The following LMBR1 variants were observed in gnomAD, a reference collection of about 807,000 sequenced individuals.
LMBR1 encodes limb region 1 protein homolog.
LMBR1 carries 52 observed loss-of-function variants against 73.9 expected under a neutral mutation model. The observed-to-expected ratio is 0.70, with a 90% confidence interval of 0.56 to 0.89. The LOEUF (loss-of-function observed/expected upper bound fraction) is 0.89. Ranked by LOEUF, LMBR1 falls within the 40% of genes least tolerant of loss-of-function variation. The pLI is 0.00. For synonymous variants in LMBR1, 215 were observed against 209.4 expected, an observed-to-expected ratio of 1.03 and a Z score of -0.23; for missense variants, 539 against 579.8, an observed-to-expected ratio of 0.93 and a Z score of 0.72.
intron 1 of LMBR1, among the ~76,000 whole-genome samples, chr7:156,858,891 A>T (rs1440228666): frequency 1.3e-5 from 2 of 150,460 alleles, no homozygotes; most frequent in Admixed American, 6.6e-5. Context: ...ACCTGTGAAT[A>T]AAAAAAAAAT....
intron 4 of LMBR1, among the ~76,000 whole-genome samples, chr7:156,817,934 G>A (rs374856856): frequency 7.9e-5 from 12 of 151,934 alleles, no homozygotes; most frequent in Non-Finnish European, 1.2e-4. Context: ...TGTTTGGATC[G>A]ACAAGATATG....
At chr7:156,817,607 A>T (rs1006086237) in intron 4 of LMBR1, among the ~76,000 whole-genome samples, 1 of 151,800 alleles carries the variant, frequency 6.6e-6, no homozygotes, top group Non-Finnish European at 1.5e-5. Flanking sequence ...AATAAATAAC[A>T]ACTACCAATG....
chr7:156,740,238 T>C (rs1026758575), intron 9 of LMBR1, among the ~76,000 whole-genome samples: 2 of 151,858 alleles, frequency 1.3e-5, no homozygotes, highest in South Asian at 4.1e-4. Context: ...GAATGAAGCA[T>C]GCCTACGATA....
chr7:156,824,946 T>G (rs909763369), intron 4 of LMBR1, among the ~76,000 whole-genome samples: 10 of 152,042 alleles, frequency 6.6e-5, no homozygotes, highest in African/African-American at 2.4e-4. Flanking sequence ...CAAGAAATTC[T>G]ATTTCTTTCC....
intron 5 of LMBR1, chr7:156,779,874 A>C (rs1826814863): frequency 3.4e-6 from 1 of 297,616 alleles, no homozygotes; most frequent in Admixed American, 3.3e-5. Flanking sequence ...CAGTAACATT[A>C]AAATAAGGTT....
At position 156,683,614 on chromosome 7, in the gene LMBR1, T is replaced by C. The variant is rs1440950832; in HGVS notation, c.*464A>G. The C allele has an allele frequency of 6.5e-6, 1 of 152,962 alleles. No individual in the cohort carries two copies. Among genetic ancestry groups the C allele is most frequent in the Non-Finnish European group, 1.5e-5 (1 of 68,544 alleles). The allele number at this position is 152,962 out of a possible 1,614,324, so 9.5% of individuals were successfully genotyped here. A position where few individuals can be genotyped will look rare whatever the true frequency, so the allele number is the denominator to read the frequency against. The stretch of plus-strand genomic sequence containing the variant: ...AATGATATCTACAAGCAGTTGCCAT[T>C]GCATTTGAAAAATGCATTTTCTGAA... On this transcript the variant is annotated 3_prime_UTR_variant, in exon 17 of 17. Transcript: ENST00000353442.
chr7:156,701,830 C>T (rs1809773517), intron 15 of LMBR1, among the ~76,000 whole-genome samples: 1 of 152,174 alleles, frequency 6.6e-6, no homozygotes, highest in Admixed American at 6.5e-5. Flanking sequence ...TCCCTGTGTC[C>T]ATGTATTCTC....
chr7:156,870,086 A>T (rs933986231), intron 1 of LMBR1, among the ~76,000 whole-genome samples: 3 of 152,212 alleles, frequency 2.0e-5, no homozygotes, highest in African/African-American at 7.2e-5. Context: ...GACAGAACTA[A>T]AGGGAGAAAT....
At chr7:156,841,171 T>C (rs1275144182) in intron 1 of LMBR1, among the ~76,000 whole-genome samples, 1 of 151,940 alleles carries the variant, frequency 6.6e-6, no homozygotes, top group Non-Finnish European at 1.5e-5. Flanking sequence ...GTTCTTTGCC[T>C]GAGAAACTGG....
intron 15 of LMBR1, among the ~76,000 whole-genome samples, chr7:156,704,167 C>T (rs34350659): frequency 0.37 from 56,533 of 151,938 alleles, 10,963 homozygotes; most frequent in Middle Eastern, 0.47. Flanking sequence ...CCAACACAGG[C>T]GCCAGAATAC....
chr7:156,859,197 G>A (rs1311051549), intron 1 of LMBR1, among the ~76,000 whole-genome samples: 3 of 151,040 alleles, frequency 2.0e-5, no homozygotes, highest in Non-Finnish European at 2.9e-5. Flanking sequence ...GCAGTGAGCC[G>A]AGATTGCGCC....
At chr7:156,833,881 T>A in intron 2 of LMBR1, 89 bp from the exon 3 acceptor site, 1 of 830,542 alleles carries the variant, frequency 1.2e-6, no homozygotes, top group Non-Finnish European at 1.9e-6. Context: ...AATATAAACT[T>A]AAAAGGCAAT....
chr7:156,807,480 T>A (rs1289782040), intron 4 of LMBR1, among the ~76,000 whole-genome samples: 1 of 152,230 alleles, frequency 6.6e-6, no homozygotes, highest in Non-Finnish European at 1.5e-5. Flanking sequence ...AAGGTGTTCA[T>A]AATATGCAAT....
Position 156,892,802 on chromosome 7 carries a change from G to C in LMBR1, c.66+126C>G, listed in dbSNP as rs1321901969. 6.8e-5 allele frequency: 30 copies of C among 440,300 alleles called. 1 individual carries two copies. In the South Asian group the frequency reaches 8.7e-4, roughly 13 times the overall value. 27.3% of individuals were successfully genotyped at this position (440,300 alleles called of 1,614,324 possible). A position where few individuals can be genotyped will look rare whatever the true frequency, so the allele number is the denominator to read the frequency against. ...AGGGGTGGGGAGGGAGAGCGGCAGA[G>C]GCCGGGGCGGGAGGCGCGAGGCGAG... On this transcript the variant is annotated intron_variant, in intron 1 of 16. Coordinates refer to ENST00000353442, the MANE Select transcript of LMBR1 (RefSeq NM_022458.4).
At chr7:156,834,298 T>C (rs1395892997) in intron 2 of LMBR1, among the ~76,000 whole-genome samples, 1 of 152,176 alleles carries the variant, frequency 6.6e-6, no homozygotes, top group Admixed American at 6.5e-5. Context: ...TAACTCATAA[T>C]TATTGTTACA....
At chr7:156,775,522 C>T (rs1162498999) in intron 5 of LMBR1, among the ~76,000 whole-genome samples, 1 of 152,104 alleles carries the variant, frequency 6.6e-6, no homozygotes, top group Non-Finnish European at 1.5e-5. Context: ...TAGCGTAAGA[C>T]ATTATATCTT....
At chr7:156,746,777 C>T (rs1298717939) in intron 9 of LMBR1, among the ~76,000 whole-genome samples, 1 of 152,068 alleles carries the variant, frequency 6.6e-6, no homozygotes, top group African/African-American at 2.4e-5. Flanking sequence ...CAGAAGGAAA[C>T]AATGACTATC....
intron 8 of LMBR1, among the ~76,000 whole-genome samples, chr7:156,758,936 T>C (rs1822446814): frequency 6.6e-6 from 1 of 152,224 alleles, no homozygotes; most frequent in Admixed American, 6.5e-5. Context: ...CTCCATTTTA[T>C]ATTCCAAGAA....
At chr7:156,892,096 TAG>T (rs1218837018) in intron 1 of LMBR1, among the ~76,000 whole-genome samples, 1 of 152,214 alleles carries the variant, frequency 6.6e-6, no homozygotes, top group Non-Finnish European at 1.5e-5. Context: ...AACATCAAAG[TAG>T]ACTTTCCAAG....
Sources: gnomAD v4.1 joint callset for allele counts (sites outside exome capture counted in the v4.1 genomes callset) on GRCh38, gnomAD v4.1.1 for gene constraint, MANE v1.5 for transcripts, NCBI Gene and HGNC (gene_info 2026-07-23, HGNC 2026-07-21) for gene names.